Variants in NEBL observed in about 807,000 individuals in gnomAD.
The protein encoded by NEBL is nebulette, also known as LIM and SH3 protein 2.
A neutral mutation model predicts 140.2 loss-of-function variants in NEBL; 122 were observed. The ratio of observed to expected loss-of-function variants is 0.87; its 90% CI spans 0.75 to 1.01. The LOEUF (loss-of-function observed/expected upper bound fraction) is 1.01, where lower values mean the gene tolerates loss of function less well. Among genes scored for constraint, NEBL ranks in the 50% least tolerant of loss-of-function variants. NEBL has a pLI of 0.00. For missense variants in NEBL, 1,365 were observed against 1,231.3 expected, an observed-to-expected ratio of 1.11 and a Z score of -1.62; for synonymous variants, 436 against 398.9, an observed-to-expected ratio of 1.09 and a Z score of -1.11.
At chr10:21,255,733 C>T (rs901046662) in intron 1 of NEBL, among the ~76,000 whole-genome samples, 1 of 152,050 alleles carries the variant, frequency 6.6e-6, no homozygotes, top group East Asian at 1.9e-4. Flanking sequence ...CGCGGTGGCT[C>T]ACACCGGTAA....
chr10:21,197,920 C>A (rs1025750117), intron 3 of NEBL, among the ~76,000 whole-genome samples: 2 of 152,132 alleles, frequency 1.3e-5, no homozygotes, highest in South Asian at 4.1e-4. Context: ...CAGCCCCTCA[C>A]CCTCCATGAT....
chr10:21,090,367 T>A (rs530700278), intron 2 of NEBL, among the ~76,000 whole-genome samples: 1 of 152,352 alleles, frequency 6.6e-6, no homozygotes, highest in East Asian at 1.9e-4. Context: ...TTCCTTTTCT[T>A]GTCATTATTC....
At chr10:20,835,209 T>C (rs546109161) in intron 14 of NEBL, among the ~76,000 whole-genome samples, 24 of 152,328 alleles carry the variant, frequency 1.6e-4, no homozygotes, top group African/African-American at 5.5e-4. Flanking sequence ...ACATTTATCA[T>C]AGCCTAGATT....
At chr10:21,189,590 G>A (rs919841688) in intron 3 of NEBL, among the ~76,000 whole-genome samples, 11 of 152,058 alleles carry the variant, frequency 7.2e-5, no homozygotes, top group South Asian at 2.1e-4. Flanking sequence ...TCAGCCTCCC[G>A]AGTAGCTGGG....
intron 9 of NEBL, 41 bp downstream of exon 9, chr10:20,858,199 G>T: frequency 6.7e-7 from 1 of 1,487,942 alleles, no homozygotes; most frequent in Non-Finnish European, 9.4e-7. Context: ...GCTTCTTGGA[G>T]CCACAAGGCA....
chr10:21,259,182 G>A (rs1264966462), intron 1 of NEBL, among the ~76,000 whole-genome samples: 1 of 151,896 alleles, frequency 6.6e-6, no homozygotes, highest in Non-Finnish European at 1.5e-5. Context: ...CCGCCTCTTA[G>A]GTTCAAGCGA....
chr10:21,247,904 T>C (rs540528187), intron 3 of NEBL: 105 of 230,080 alleles, frequency 4.6e-4, no homozygotes, highest in African/African-American at 2.3e-3. Flanking sequence ...AAAAGAACCA[T>C]AGTAAAAAGG....
Position 20,941,948 on chromosome 10 carries a change from C to G in NEBL, c.357+19724G>C, listed in dbSNP as rs572882121. Among the ~76,000 whole-genome samples the G allele has an allele frequency of 2.6e-5, 4 of 152,204 alleles. No homozygotes were observed. In the East Asian group the frequency reaches 7.7e-4, roughly 29 times the overall value. ...TCAATGAAATAAAAGAGGATACAAA[C>G]AAATGGAAGAACATTCCATGCTCAT... is the stretch of plus-strand genomic sequence containing the variant. On this transcript the variant is annotated intron_variant, in intron 4 of 6. Transcript: ENST00000417816.
At chr10:20,840,108 C>T (rs1188376054) in intron 13 of NEBL, among the ~76,000 whole-genome samples, 1 of 152,108 alleles carries the variant, frequency 6.6e-6, no homozygotes, top group Non-Finnish European at 1.5e-5. Flanking sequence ...TCATCGCTAT[C>T]ATCATCATCA....
intron 2 of NEBL, chr10:21,020,258 T>C (rs1838733431): frequency 6.9e-7 from 1 of 1,446,510 alleles, no homozygotes; most frequent in Admixed American, 1.7e-5. Context: ...AAAACAACAC[T>C]TTCACACCCA....
At chr10:21,167,683 G>A (rs1311884261) in intron 2 of NEBL, among the ~76,000 whole-genome samples, 1 of 152,170 alleles carries the variant, frequency 6.6e-6, no homozygotes, top group Non-Finnish European at 1.5e-5. Context: ...TTTGACAAAT[G>A]GTCTTAGGGT....
At chr10:20,995,849 T>C (rs896009779) in intron 3 of NEBL, among the ~76,000 whole-genome samples, 3 of 152,120 alleles carry the variant, frequency 2.0e-5, no homozygotes, top group African/African-American at 7.2e-5. Context: ...CTGAGCTAGA[T>C]GTTGTGAGCA....
At chr10:20,991,675 T>C in intron 3 of NEBL, among the ~76,000 whole-genome samples, 1 of 152,154 alleles carries the variant, frequency 6.6e-6, no homozygotes, top group East Asian at 1.9e-4. Context: ...GTATGTTTCA[T>C]GATGCAGAGG....
intron 3 of NEBL, among the ~76,000 whole-genome samples, chr10:21,200,068 A>G (rs1040187562): frequency 6.6e-6 from 1 of 151,944 alleles, no homozygotes; most frequent in Non-Finnish European, 1.5e-5. Flanking sequence ...AGAACACCCC[A>G]TGGGATCAGC....
At chr10:20,958,144 A>G (rs1166670105) in intron 4 of NEBL, among the ~76,000 whole-genome samples, 1 of 152,242 alleles carries the variant, frequency 6.6e-6, no homozygotes, top group African/African-American at 2.4e-5. Context: ...GAGCTAGCCC[A>G]GTAGCAGCCA....
intron 5 of NEBL, among the ~76,000 whole-genome samples, chr10:20,877,432 G>A (rs183683191): frequency 1.1e-4 from 17 of 152,322 alleles, no homozygotes; most frequent in African/African-American, 4.1e-4. Flanking sequence ...CAGATAGTGA[G>A]GGTAAGGAAG....
rs1835305158 is a variant in NEBL at position 20,785,189 on chromosome 10, T to C, written c.*558A>G. 1 of 161,146 alleles carries C rather than the reference T, an allele frequency of 6.2e-6. No homozygotes were observed. The highest frequency in any genetic ancestry group is 2.4e-5 in the African/African-American group (1 of 41,484). The allele number at this position is 161,146 out of a possible 1,614,324, so 10.0% of individuals were successfully genotyped here. On this transcript the variant is annotated 3_prime_UTR_variant, in exon 28 of 28. Transcript: ENST00000377122. ...CCTAGGGAACAAGGAAATTTCTCTG[T>C]TTAGTAGAAGTTTCTAGATCCCTAA...
At position 20,845,359 on chromosome 10, in the gene NEBL, T is replaced by C. The variant is rs1841813765; in HGVS notation, c.1126A>G (p.Lys376Glu). The C allele has an allele frequency of 1.9e-6, 3 of 1,576,062 alleles. No homozygotes were observed. Among genetic ancestry groups the C allele is most frequent in the South Asian group, 2.2e-5 (2 of 90,284 alleles). Reference protein sequence around the residue: ...AQKMQSEKVYKEDFEKEIKGR... With the variant: ...AQKMQSEKVYEEDFEKEIKGR... The stretch of plus-strand genomic sequence containing the variant: ...TTAATCTCCTTCTCAAAATCCTCTT[T>C]GTAAACTTTCTGTTAAATAAGACCA... The change falls in exon 12 of 28, where the codon AAA (lysine) becomes GAA (glutamate). Residue 376 changes from lysine (K) to glutamate (E), a missense_variant. Physicochemically the swap from Lys to Glu is moderately conservative, Grantham distance 56. Transcript: ENST00000377122.
intron 2 of NEBL, among the ~76,000 whole-genome samples, chr10:21,116,907 A>C (rs1256138616): frequency 2.6e-5 from 4 of 152,018 alleles, no homozygotes; most frequent in Non-Finnish European, 5.9e-5. Context: ...CCTGGGCTCA[A>C]GCAATCTTCC....
Sources: allele counts gnomAD v4.1 joint callset (sites outside exome capture counted in the v4.1 genomes callset), GRCh38; gene constraint gnomAD v4.1.1; transcripts MANE v1.5; gene names NCBI Gene and HGNC (gene_info 2026-07-23, HGNC 2026-07-21).